ITPR2: variants seen among roughly 807,000 people sequenced by gnomAD.
The protein encoded by ITPR2 is inositol 1,4,5-trisphosphate-gated calcium channel ITPR2.
A neutral mutation model predicts 317.1 loss-of-function variants in ITPR2; 207 were observed. That is an observed-to-expected ratio of 0.65 (90% CI 0.58 to 0.73). The LOEUF is 0.73. ITPR2 is among the 30% of genes least tolerant of loss of function. ITPR2 has a pLI of 0.00. For synonymous variants in ITPR2, 1,156 were observed against 1,149.1 expected, an observed-to-expected ratio of 1.01 and a Z score of -0.12; for missense variants, 2,613 against 3,284.0, an observed-to-expected ratio of 0.80 and a Z score of 4.99.
At chr12:26,356,716 T>C (rs1312280698) in intron 55 of ITPR2, among the ~76,000 whole-genome samples, 2 of 152,170 alleles carry the variant, frequency 1.3e-5, no homozygotes, top group African/African-American at 4.8e-5. Flanking sequence ...TTTTTCTCAT[T>C]GATTGATTGA....
chr12:26,678,813 C>T (rs1214065022), intron 13 of ITPR2, among the ~76,000 whole-genome samples: 1 of 152,214 alleles, frequency 6.6e-6, no homozygotes, highest in Non-Finnish European at 1.5e-5. Context: ...TCCTTAGAAT[C>T]ATCTTGAGAG....
intron 2 of ITPR2, among the ~76,000 whole-genome samples, chr12:26,768,591 A>AG (rs1428287892): frequency 7.1e-6 from 1 of 140,236 alleles, no homozygotes; most frequent in Non-Finnish European, 1.5e-5. Flanking sequence ...AAAAAAAAAA[A>AG]AAAAAACCTC....
chr12:26,753,263 C>G (rs1485074417), intron 2 of ITPR2, among the ~76,000 whole-genome samples: 1 of 152,170 alleles, frequency 6.6e-6, no homozygotes, highest in Non-Finnish European at 1.5e-5. Context: ...TAAAGTCCCT[C>G]TTGGTAAAGT....
intron 13 of ITPR2, among the ~76,000 whole-genome samples, chr12:26,677,558 C>T (rs1377372025): frequency 6.6e-6 from 1 of 152,008 alleles, no homozygotes; most frequent in Non-Finnish European, 1.5e-5. Context: ...CATGATCATA[C>T]CACTGCACTC....
intron 31 of ITPR2, among the ~76,000 whole-genome samples, chr12:26,596,508 A>G (rs933275869): frequency 6.6e-6 from 1 of 152,032 alleles, no homozygotes; most frequent in African/African-American, 2.4e-5. Flanking sequence ...TTAGCTGAGC[A>G]TGGTGGCACA....
chr12:26,664,405 C>A (rs1451473065), intron 14 of ITPR2, among the ~76,000 whole-genome samples: 2 of 152,168 alleles, frequency 1.3e-5, no homozygotes, highest in Admixed American at 6.5e-5. Flanking sequence ...AAATTAGGAG[C>A]CACATGGGCA....
chr12:26,542,108 T>G (rs1944280120), intron 37 of ITPR2, among the ~76,000 whole-genome samples: 2 of 152,220 alleles, frequency 1.3e-5, no homozygotes, highest in African/African-American at 4.8e-5. Flanking sequence ...CAAGGGGCTA[T>G]CTCCAGTAGT....
intron 2 of ITPR2, among the ~76,000 whole-genome samples, chr12:26,738,004 AAC>A (rs150339787): frequency 4.0e-5 from 6 of 151,530 alleles, no homozygotes; most frequent in Admixed American, 6.6e-5. Flanking sequence ...CTTTCCCCAC[AAC>A]ACACACACAC....
intron 48 of ITPR2, among the ~76,000 whole-genome samples, chr12:26,434,879 C>A (rs564367784): frequency 2.2e-4 from 33 of 152,264 alleles, no homozygotes; most frequent in African/African-American, 7.7e-4. Flanking sequence ...TCTTTCCTCC[C>A]AAGAGTTATA....
intron 1 of ITPR2, among the ~76,000 whole-genome samples, chr12:26,832,416 G>C (rs1262889043): frequency 1.3e-5 from 2 of 152,240 alleles, no homozygotes; most frequent in East Asian, 1.9e-4. Context: ...CCTCTTCGCC[G>C]GGCCCGTCTC....
intron 42 of ITPR2, among the ~76,000 whole-genome samples, chr12:26,482,932 GAAA>G (rs1565551998): frequency 3.3e-5 from 5 of 152,154 alleles, no homozygotes; most frequent in African/African-American, 1.2e-4. Flanking sequence ...TTTATGACTT[GAAA>G]ACTCTGTCTT....
intron 7 of ITPR2, 22 bp from the exon 8 acceptor site, chr12:26,715,467 A>T: frequency 6.2e-7 from 1 of 1,605,864 alleles, no homozygotes; most frequent in African/African-American, 1.3e-5. Flanking sequence ...GTCAAGAGAC[A>T]TCTGAACAAA....
intron 55 of ITPR2, among the ~76,000 whole-genome samples, chr12:26,371,622 G>T (rs917796384): frequency 6.6e-6 from 1 of 152,220 alleles, no homozygotes; most frequent in African/African-American, 2.4e-5. Flanking sequence ...CAGGTGAAGG[G>T]AACAGCAGAA....
intron 11 of ITPR2, among the ~76,000 whole-genome samples, chr12:26,685,995 C>A (rs1948117672): frequency 6.6e-6 from 1 of 152,150 alleles, no homozygotes; most frequent in South Asian, 2.1e-4. Flanking sequence ...TTGTTTACTG[C>A]CTGTCTCCCC....
intron 10 of ITPR2, among the ~76,000 whole-genome samples, chr12:26,692,866 A>G (rs1948266755): frequency 6.6e-6 from 1 of 152,228 alleles, no homozygotes; most frequent in South Asian, 2.1e-4. Flanking sequence ...GCATGGTCAT[A>G]ATAAAGTCAG....
intron 53 of ITPR2, among the ~76,000 whole-genome samples, chr12:26,399,367 G>T (rs1940099184): frequency 6.6e-6 from 1 of 152,200 alleles, no homozygotes. Context: ...TTACAGAAAA[G>T]GTAGTTAAAT....
intron 37 of ITPR2, among the ~76,000 whole-genome samples, chr12:26,523,667 G>A (rs1257516549): frequency 6.6e-6 from 1 of 152,124 alleles, no homozygotes; most frequent in African/African-American, 2.4e-5. Context: ...GCATGATGAT[G>A]TATACATAAT....
chr12:26,568,007 T>TATATATATATATATATTATATATA, intron 34 of ITPR2, among the ~76,000 whole-genome samples: 1 of 3,214 alleles, frequency 3.1e-4, no homozygotes, highest in South Asian at 0.017. Context: ...TTATATATAT[T>TATATATATATATATATTATATATA]ATATATATAT....
intron 54 of ITPR2, among the ~76,000 whole-genome samples, chr12:26,394,261 C>A (rs1248609562): frequency 6.6e-6 from 1 of 152,140 alleles, no homozygotes; most frequent in African/African-American, 2.4e-5. Flanking sequence ...GACTACTTGT[C>A]TATAAAGTTC....
Sources: gnomAD v4.1 joint callset for allele counts (sites outside exome capture counted in the v4.1 genomes callset) on GRCh38, gnomAD v4.1.1 for gene constraint, MANE v1.5 for transcripts, NCBI Gene and HGNC (gene_info 2026-07-23, HGNC 2026-07-21) for gene names.